The following RPL13A variants were observed in gnomAD, a reference collection of about 807,000 sequenced individuals.
RPL13A encodes the protein ribosomal protein L13a.
A neutral mutation model predicts 30.8 loss-of-function variants in RPL13A; 4 were observed. That is an observed-to-expected ratio of 0.13 (90% CI 0.06 to 0.30). The LOEUF is 0.30. Among genes scored for constraint, RPL13A ranks in the 10% least tolerant of loss-of-function variants. The pLI, the probability that RPL13A is intolerant of heterozygous loss-of-function variation, is 1.00. For synonymous variants in RPL13A, 108 were observed against 104.2 expected, an observed-to-expected ratio of 1.04 and a Z score of -0.22; for missense variants, 196 against 272.6, an observed-to-expected ratio of 0.72 and a Z score of 1.98.
In RPL13A at chr19:49,490,317, G is replaced by T. The variant is rs543924474; in HGVS notation, c.154+20G>T. The T allele has an allele frequency of 4.6e-5, 74 of 1,611,788 alleles. No homozygotes were observed. Among genetic ancestry groups the T allele is most frequent in the Non-Finnish European group, 6.1e-5 (72 of 1,178,020 alleles). Reference sequence around the variant, plus strand: ...ACAAGTGTAAGTTAGGACCTGGGAGGAGCACTGGAGAGGGTCTCCCTGTGG... The same window carrying T: ...ACAAGTGTAAGTTAGGACCTGGGAGTAGCACTGGAGAGGGTCTCCCTGTGG... On this transcript the variant is annotated intron_variant, in intron 3 of 7. Transcript: ENST00000391857.
intron 5 of RPL13A, 43 bp downstream of exon 5, chr19:49,490,907 C>T (rs1478767572): frequency 1.7e-5 from 27 of 1,606,056 alleles, no homozygotes; most frequent in Admixed American, 6.7e-5. Flanking sequence ...TTACCTGTGG[C>T]GTCCATGATG....
At chr19:49,491,287 C>T (rs1260199826) in intron 6 of RPL13A, 138 bp from the exon 7 acceptor site, 2 of 1,148,610 alleles carry the variant, frequency 1.7e-6, no homozygotes, top group South Asian at 2.5e-5. Flanking sequence ...TTCTAACAGG[C>T]CTGCAGAGAA....
At chr19:49,489,789 C>A in intron 1 of RPL13A, 61 bp from the exon 2 acceptor site, 1 of 1,326,792 alleles carries the variant, frequency 7.5e-7, no homozygotes, top group Non-Finnish European at 1.1e-6. Context: ...GGAATGCTTG[C>A]TTGTGAGGAC....
In RPL13A at chr19:49,490,851, C is replaced by T. The variant is rs377193492; in HGVS notation, c.329C>T (p.Pro110Leu). 36 of 1,614,006 alleles carry T rather than the reference C, an allele frequency of 2.2e-5. No homozygotes were observed. The highest frequency in any genetic ancestry group is 2.0e-4 in the Admixed American group (12 of 60,014). ...CTCAAGGTGTTTGACGGCATCCCAC[C>T]GCCCTACGACAAGGTGAGCTATGCC... Reference protein sequence around the residue: ...DRLKVFDGIPPPYDKKKRMVV... With the variant: ...DRLKVFDGIPLPYDKKKRMVV... The change falls in exon 5 of 8, where the codon CCG becomes CTG. Residue 110 changes from proline (P) to leucine (L), a missense_variant. Coordinates refer to ENST00000391857, the MANE Select transcript of RPL13A (RefSeq NM_012423.4).
chr19:49,491,402 A>ACACCC (rs2079867857), intron 6 of RPL13A, 23 bp from the exon 7 acceptor site: 24 of 237,266 alleles, frequency 1.0e-4, no homozygotes, highest in African/African-American at 9.6e-4. Context: ...TCATTTGTTC[A>ACACCC]CCCCCCCCCC....
rs543919696 is a variant in RPL13A, at chr19:49,491,299, A to G, written c.403-126A>G. 2.7e-5 allele frequency: 31 copies of G among 1,148,054 alleles called. No individual in the cohort carries two copies. In the South Asian group the frequency reaches 3.4e-4, roughly 13 times the overall value. The allele number at this position is 1,148,054 out of a possible 1,614,324, so 71.1% of individuals were successfully genotyped here. A position where few individuals can be genotyped will look rare whatever the true frequency, so the allele number is the denominator to read the frequency against. On this transcript the variant is annotated intron_variant, in intron 6 of 7. Transcript: ENST00000391857. ...CTTTTCTAACAGGCCTGCAGAGAAC[A>G]GTTGCATTATGATATGCCCAGCTGT...
chr19:49,488,499 G>A (rs146644364), intron 1 of RPL13A, among the ~76,000 whole-genome samples: 24 of 152,314 alleles, frequency 1.6e-4, no homozygotes, highest in South Asian at 4.1e-4. Context: ...AATGTTTTGC[G>A]TAGTTCAGTT....
chr19:49,491,374 T>C, intron 6 of RPL13A, 51 bp from the exon 7 acceptor site: 1 of 1,427,054 alleles, frequency 7.0e-7, no homozygotes, highest in Non-Finnish European at 9.6e-7. Flanking sequence ...GTGTGGGGGC[T>C]TAGATATCCT....
At position 49,489,882 on chromosome 19, in the gene RPL13A, G is replaced by A. The variant is rs2079846996; in HGVS notation, c.48G>A (p.Leu16=). The A allele has an allele frequency of 6.2e-7, 1 of 1,614,164 alleles. No homozygotes were observed. The highest frequency in any genetic ancestry group is 8.5e-7 in the Non-Finnish European group (1 of 1,179,950). ...VLVLDGRGHL[L]GRLAAIVAKQ... ...TGCTTGATGGTCGAGGCCATCTCCT[G>A]GGCCGCCTGGCGGCCATCGTGGCTA... Residue 16 remains leucine, a synonymous_variant, in exon 2 of 8, where the codon CTG becomes CTA. Transcript: ENST00000391857.
chr19:49,491,155 G>T (rs2079863810), intron 6 of RPL13A, 56 bp downstream of exon 6: 2 of 1,573,816 alleles, frequency 1.3e-6, no homozygotes, highest in South Asian at 2.2e-5. Context: ...CCTGCTGAGG[G>T]ACCTGGGGAC....
intron 1 of RPL13A, 139 bp downstream of exon 1, chr19:49,487,783 G>C: frequency 1.1e-6 from 1 of 942,338 alleles, no homozygotes; most frequent in Non-Finnish European, 1.5e-6. Context: ...TTGGGATAAG[G>C]GGAATCTGTA....
intron 1 of RPL13A, 64 bp from the exon 2 acceptor site, chr19:49,489,786 T>A (rs2079845821): frequency 7.6e-7 from 1 of 1,316,894 alleles, no homozygotes; most frequent in African/African-American, 1.4e-5. Flanking sequence ...AAGGGAATGC[T>A]TGCTTGTGAG....
Position 49,490,528 on chromosome 19 carries a change from C to T in RPL13A, c.208C>T (p.Pro70Ser), listed in dbSNP as rs1163193879. The T allele has an allele frequency of 1.2e-6, 2 of 1,614,140 alleles. No individual in the cohort carries two copies. Among genetic ancestry groups the T allele is most frequent in the East Asian group, 2.2e-5 (1 of 44,872 alleles). The part of the protein sequence containing the change: ...KRMNTNPSRG[P>S]YHFRAPSRIF... Reference sequence around the variant, plus strand: ...GATGAACACCAACCCTTCCCGAGGCCCCTACCACTTCCGGGCCCCCAGCCG... The same window carrying T: ...GATGAACACCAACCCTTCCCGAGGCTCCTACCACTTCCGGGCCCCCAGCCG... Residue 70 changes from proline to serine, a missense_variant, in exon 4 of 8, where the codon CCC becomes TCC. Pro to Ser is a moderately conservative substitution (Grantham distance 74). Coordinates refer to ENST00000391857, the MANE Select transcript of RPL13A (RefSeq NM_012423.4).
At chr19:49,491,402 A>AGCCC in intron 6 of RPL13A, 23 bp from the exon 7 acceptor site, 12 of 236,626 alleles carry the variant, frequency 5.1e-5, no homozygotes, top group South Asian at 1.0e-4. Flanking sequence ...TCATTTGTTC[A>AGCCC]CCCCCCCCCC....
intron 6 of RPL13A, 65 bp downstream of exon 6, chr19:49,491,164 A>G (rs1669484458): frequency 6.4e-7 from 1 of 1,563,960 alleles, no homozygotes; most frequent in Admixed American, 1.7e-5. Flanking sequence ...GGACCTGGGG[A>G]CCTGGAGCCT....
At position 49,490,586 on chromosome 19, in the gene RPL13A, G is replaced by A. The variant is rs769227166; in HGVS notation, c.256+10G>A. On this transcript the variant is annotated intron_variant, in intron 4 of 7. Transcript: ENST00000391857. Reference sequence around the variant, plus strand: ...TGGCGGACCGTGCGAGGTGAGCAGAGCGTGGGGACTGCAGGTGGTGACGGG... The same window carrying A: ...TGGCGGACCGTGCGAGGTGAGCAGAACGTGGGGACTGCAGGTGGTGACGGG... The A allele has an allele frequency of 4.3e-6, 7 of 1,613,826 alleles. No homozygotes were observed. In the East Asian group the frequency reaches 1.6e-4, roughly 36 times the overall value.
intron 6 of RPL13A, 25 bp from the exon 7 acceptor site, chr19:49,491,400 T>TCC (rs1555806959): frequency 7.4e-5 from 72 of 977,502 alleles, no homozygotes; most frequent in South Asian, 3.6e-4. Context: ...CTTCATTTGT[T>TCC]CACCCCCCCC....
intron 1 of RPL13A, 141 bp downstream of exon 1, chr19:49,487,785 G>T: frequency 1.1e-6 from 1 of 899,612 alleles, no homozygotes; most frequent in Non-Finnish European, 1.6e-6. Flanking sequence ...GGGATAAGGG[G>T]AATCTGTAGG....
Sources: allele counts gnomAD v4.1 joint callset (sites outside exome capture counted in the v4.1 genomes callset), GRCh38; gene constraint gnomAD v4.1.1; transcripts MANE v1.5; gene names NCBI Gene and HGNC (gene_info 2026-07-23, HGNC 2026-07-21).